The following CHRDL1 variants were observed in gnomAD, a reference collection of about 807,000 sequenced individuals.
CHRDL1 encodes chordin like 1.
CHRDL1 carries 19 observed loss-of-function variants against 40.9 expected under a neutral mutation model. That is an observed-to-expected ratio of 0.46 (90% CI 0.32 to 0.68). The LOEUF is 0.68. Among genes scored for constraint, CHRDL1 ranks in the 30% least tolerant of loss-of-function variants. CHRDL1 has a pLI of 0.03. For missense variants in CHRDL1, 329 were observed against 352.1 expected (o/e 0.93, Z 0.53); for synonymous variants, 136 against 123.4 (o/e 1.10, Z -0.68).
intron 4 of CHRDL1, among the ~76,000 whole-genome samples, chrX:110,758,174 T>A (rs1569479862): frequency 9.4e-6 from 1 of 106,042 alleles, no homozygotes; most frequent in Non-Finnish European, 1.9e-5. Context: ...GGCAACTTTA[T>A]CAGAAACATT....
At chrX:110,682,804 G>A (rs190617437) in intron 9 of CHRDL1, among the ~76,000 whole-genome samples, 1 of 112,006 alleles carries the variant, frequency 8.9e-6, no homozygotes, top group East Asian at 2.8e-4. Context: ...ATTCCAGACT[G>A]AATTACTCAA....
At position 110,761,065 on chromosome X, in the gene CHRDL1, T is replaced by G. The variant is rs753369996; in HGVS notation, c.208-1311A>C. On this transcript the variant is annotated intron_variant, in intron 3 of 11. Transcript: ENST00000372042. ...TGATGACAATAACAGCTGTTAACAT[T>G]TCTTGAATGTTTACCAAGACTAAGT... Among the ~76,000 whole-genome samples, 37 of 112,154 alleles carry G rather than the reference T, an allele frequency of 3.3e-4. No homozygotes were observed. In the South Asian group the frequency reaches 8.6e-3, roughly 26 times the overall value.
At chrX:110,717,109 A>G (rs907424827) in intron 6 of CHRDL1, among the ~76,000 whole-genome samples, 1 of 111,673 alleles carries the variant, frequency 9.0e-6, no homozygotes, top group African/African-American at 3.3e-5. Context: ...GGTCTCAGGA[A>G]TGGTTTCTCA....
chrX:110,683,700 G>A (rs138165829), intron 9 of CHRDL1, among the ~76,000 whole-genome samples: 107 of 111,481 alleles, frequency 9.6e-4, no homozygotes, highest in East Asian at 3.7e-3. Flanking sequence ...GAATCCAGGC[G>A]TGGCCAACTG....
chrX:110,772,758 T>C (rs1310814542), intron 2 of CHRDL1, among the ~76,000 whole-genome samples: 2 of 112,742 alleles, frequency 1.8e-5, no homozygotes, highest in African/African-American at 3.2e-5. Flanking sequence ...ATGTGGTCAA[T>C]TGATTTTCAA....
chrX:110,702,813 G>T (rs2070542798), intron 6 of CHRDL1, among the ~76,000 whole-genome samples: 1 of 111,432 alleles, frequency 9.0e-6, no homozygotes, highest in South Asian at 3.8e-4. Context: ...TTTATTGTCT[G>T]CTTTCCCATA....
chrX:110,752,892 G>A (rs1021302755), intron 4 of CHRDL1, among the ~76,000 whole-genome samples: 4 of 111,499 alleles, frequency 3.6e-5, no homozygotes, highest in Admixed American at 1.9e-4. Context: ...GATCAGATAT[G>A]GATGGTGGCA....
intron 2 of CHRDL1, among the ~76,000 whole-genome samples, chrX:110,791,044 C>T (rs1234768657): frequency 9.1e-6 from 1 of 110,024 alleles, no homozygotes; most frequent in African/African-American, 3.3e-5. Flanking sequence ...ATGGAATAGG[C>T]TTGGCACTGT....
intron 9 of CHRDL1, 152 bp downstream of exon 9, chrX:110,688,442 T>G (rs2070070574): frequency 6.5e-6 from 3 of 464,712 alleles, no homozygotes; most frequent in Non-Finnish European, 1.1e-5. Flanking sequence ...GCCTTTTCAG[T>G]CTTTCAAGAG....
At position 110,689,931 on chromosome X, in the gene CHRDL1, CTA is replaced by C. The variant is rs1480090450; in HGVS notation, c.779-1130_779-1129del. On this transcript the variant is annotated intron_variant, in intron 8 of 11. Coordinates refer to ENST00000372042, the MANE Select transcript of CHRDL1 (RefSeq NM_001143981.2). ...TATATATCTATATATATCTATATAT[CTA>C]TATATATCTATATATCTATATATAT... Among the ~76,000 whole-genome samples, 74 of 10,996 alleles carry C rather than the reference CTA, an allele frequency of 6.7e-3. 5 individuals are homozygous for C. Among genetic ancestry groups the C allele is most frequent in the Non-Finnish European group, 9.2e-3 (64 of 6,993 alleles). The allele number at this position is 10,996 out of a possible 115,157, so 9.5% of individuals were successfully genotyped here. A position where few individuals can be genotyped will look rare whatever the true frequency, so the allele number is the denominator to read the frequency against.
chrX:110,681,796 C>A, intron 9 of CHRDL1, 147 bp from the exon 10 acceptor site: 1 of 475,621 alleles, frequency 2.1e-6, no homozygotes, highest in East Asian at 3.6e-5. Flanking sequence ...ACAGAAATTC[C>A]ACCCATACTT....
At chrX:110,736,404 T>G (rs1466761708) in intron 4 of CHRDL1, among the ~76,000 whole-genome samples, 4 of 112,243 alleles carry the variant, frequency 3.6e-5, no homozygotes, top group African/African-American at 1.3e-4. Context: ...TAAAAATATG[T>G]CAAATATTAA....
At chrX:110,719,786 A>G in intron 6 of CHRDL1, 49 bp downstream of exon 6, 1 of 813,003 alleles carries the variant, frequency 1.2e-6, no homozygotes, top group Non-Finnish European at 1.8e-6. Flanking sequence ...TCTAAATTCT[A>G]CTACACAGGA....
intron 6 of CHRDL1, among the ~76,000 whole-genome samples, chrX:110,705,115 A>G (rs2070596607): frequency 9.2e-6 from 1 of 108,488 alleles, no homozygotes; most frequent in Non-Finnish European, 1.9e-5. Context: ...ATGAGCAGAG[A>G]GGTAAGATGG....
Position 110,688,856 on chromosome X carries a change from C to T in CHRDL1, c.779-53G>A, listed in dbSNP as rs1034069881. The T allele has an allele frequency of 3.2e-6, 3 of 940,257 alleles. No individual in the cohort carries two copies. The African/African-American group carries it at 5.9e-5, about 19-fold the overall frequency. The allele number at this position is 940,257 out of a possible 1,213,427, so 77.5% of individuals were successfully genotyped here. Reference sequence around the variant, plus strand: ...AAAAGCTAAGGAGCTAAAATGGAACCCTATATTCAGAACCCAAGCCCTGAA... The same window carrying T: ...AAAAGCTAAGGAGCTAAAATGGAACTCTATATTCAGAACCCAAGCCCTGAA... On this transcript the variant is annotated intron_variant, in intron 8 of 11. Coordinates refer to ENST00000372042, the MANE Select transcript of CHRDL1 (RefSeq NM_001143981.2).
At chrX:110,783,103 T>A (rs926373737) in intron 2 of CHRDL1, among the ~76,000 whole-genome samples, 2 of 112,575 alleles carry the variant, frequency 1.8e-5, no homozygotes, top group African/African-American at 3.2e-5. Context: ...GATATTTTTA[T>A]AGCATATCAA....
chrX:110,704,260 T>C, intron 6 of CHRDL1, among the ~76,000 whole-genome samples: 1 of 111,603 alleles, frequency 9.0e-6, no homozygotes, highest in Non-Finnish European at 1.9e-5. Flanking sequence ...ATGCCTATTA[T>C]GTACCCACAC....
chrX:110,690,356 A>G (rs1307850438), intron 8 of CHRDL1, among the ~76,000 whole-genome samples: 1 of 107,793 alleles, frequency 9.3e-6, no homozygotes, highest in Non-Finnish European at 1.9e-5. Flanking sequence ...CCACATATAT[A>G]TATATTCTCA....
chrX:110,714,584 G>A (rs969836228), intron 6 of CHRDL1, among the ~76,000 whole-genome samples: 1 of 111,167 alleles, frequency 9.0e-6, no homozygotes, highest in African/African-American at 3.3e-5. Context: ...TTGCTGAAGT[G>A]CTAGCAATGA....
Sources: allele counts gnomAD v4.1 joint callset (sites outside exome capture counted in the v4.1 genomes callset), GRCh38; gene constraint gnomAD v4.1.1; transcripts MANE v1.5; gene names NCBI Gene and HGNC (gene_info 2026-07-23, HGNC 2026-07-21).